The following MEGF11 variants were observed in gnomAD, a reference collection of about 807,000 sequenced individuals.
MEGF11 encodes multiple epidermal growth factor-like domains protein 11.
In MEGF11, 126 loss-of-function variants were observed where a neutral mutation model predicts 146.6. The observed-to-expected ratio is 0.86, with a 90% CI of 0.74 to 1.00. The LOEUF (loss-of-function observed/expected upper bound fraction) is 1.00. MEGF11 is among the 50% of genes least tolerant of loss of function. The probability of loss-of-function intolerance (pLI) is 0.00; values close to 1 mark genes in which losing one functional copy is unlikely to be tolerated. For synonymous variants in MEGF11, 532 were observed against 583.4 expected (o/e 0.91, Z 1.27); for missense variants, 1,509 against 1,521.2 (o/e 0.99, Z 0.13).
chr15:65,953,239 C>T (rs981136212), intron 10 of MEGF11, among the ~76,000 whole-genome samples: 1 of 152,200 alleles, frequency 6.6e-6, no homozygotes, highest in African/African-American at 2.4e-5. Context: ...TATAATGTTC[C>T]TAATTCTCAT....
chr15:65,982,506 G>C lies in MEGF11; in HGVS notation c.395-18C>G. Reference sequence around the variant, plus strand: ...GTCGCAGCCTGCAAGAGACGGGACAGTCAGGGATCAGGAGCCCCGAAGGCT... The same window carrying C: ...GTCGCAGCCTGCAAGAGACGGGACACTCAGGGATCAGGAGCCCCGAAGGCT... On this transcript the variant is annotated intron_variant, in intron 5 of 25. Coordinates refer to ENST00000395614, the MANE Select transcript of MEGF11 (RefSeq NM_001385028.1). The surrounding 1 kb of genome is among the most constrained non-coding windows in gnomAD (Gnocchi z 5.6). 1.4e-6 allele frequency: 2 copies of C among 1,463,520 alleles called. No individual in the cohort carries two copies. Among genetic ancestry groups the C allele is most frequent in the Middle Eastern group, 2.0e-4 (1 of 4,938 alleles). The allele number at this position is 1,463,520 out of a possible 1,614,324, so 90.7% of individuals were successfully genotyped here. A position where few individuals can be genotyped will look rare whatever the true frequency, so the allele number is the denominator to read the frequency against.
At chr15:66,031,171 A>G (rs1465700528) in intron 5 of MEGF11, among the ~76,000 whole-genome samples, 1 of 152,164 alleles carries the variant, frequency 6.6e-6, no homozygotes, top group African/African-American at 2.4e-5. Flanking sequence ...TCTGTCTTCT[A>G]CCCAAGTAAA....
chr15:65,992,220 A>G (rs2082065043), intron 5 of MEGF11, among the ~76,000 whole-genome samples: 1 of 152,170 alleles, frequency 6.6e-6, no homozygotes, highest in Non-Finnish European at 1.5e-5. Context: ...GTCCATTTCA[A>G]CCAGGAGTAT....
chr15:66,119,239 AT>A, intron 3 of MEGF11, 53 bp from the exon 4 acceptor site: 1 of 1,221,156 alleles, frequency 8.2e-7, no homozygotes, highest in Non-Finnish European at 1.2e-6. Flanking sequence ...AATCACTCCC[AT>A]TTAGAATGAT....
intron 1 of MEGF11, among the ~76,000 whole-genome samples, chr15:66,237,145 G>C (rs923301115): frequency 1.3e-5 from 2 of 152,148 alleles, no homozygotes; most frequent in Non-Finnish European, 2.9e-5. Context: ...CAGGGACCAC[G>C]TTATCTTCAT....
At chr15:65,922,231 C>T in intron 15 of MEGF11, 107 bp downstream of exon 15, 1 of 1,390,036 alleles carries the variant, frequency 7.2e-7, no homozygotes, top group Non-Finnish European at 9.8e-7. Flanking sequence ...AGGGAAGGAG[C>T]TACCTCCATA....
At chr15:66,202,789 C>T (rs906472587) in intron 1 of MEGF11, among the ~76,000 whole-genome samples, 1 of 152,252 alleles carries the variant, frequency 6.6e-6, no homozygotes, top group Non-Finnish European at 1.5e-5. Flanking sequence ...CTGGCGCCCA[C>T]AGGCAGGTAA....
chr15:66,124,115 G>A lies in MEGF11; in HGVS notation c.99-115C>T, dbSNP rs2088205620. On this transcript the variant is annotated intron_variant, in intron 2 of 25. Transcript: ENST00000395614. ...GCCAAGCTCCACAGCCAAGTGTCCG[G>A]AGGCTCTGACCTCCCCCCTCCCAAC... The A allele has an allele frequency of 1.3e-5, 11 of 815,728 alleles. No individual in the cohort carries two copies. In the South Asian group the frequency reaches 1.6e-4, roughly 12 times the overall value. The allele number at this position is 815,728 out of a possible 1,614,324, so 50.5% of individuals were successfully genotyped here.
rs771123662 is a variant in MEGF11 at position 66,106,377 on chromosome 15, G to A, written c.302-11883C>T. Among the ~76,000 whole-genome samples the A allele has an allele frequency of 1.9e-4, 29 of 152,146 alleles. 1 individual carries two copies. The highest frequency in any genetic ancestry group is 3.5e-4 in the Non-Finnish European group (24 of 68,010). ...ACGGGTGCACACATGTGTAGGGGGA[G>A]CATTTTACACACAGCAAAACCCAGC... is the stretch of plus-strand genomic sequence containing the variant. On this transcript the variant is annotated intron_variant, in intron 4 of 25. Coordinates refer to ENST00000395614, the MANE Select transcript of MEGF11 (RefSeq NM_001385028.1).
intron 1 of MEGF11, among the ~76,000 whole-genome samples, chr15:66,202,323 CCT>C (rs2091184145): frequency 6.6e-6 from 1 of 152,206 alleles, no homozygotes; most frequent in South Asian, 2.1e-4. Flanking sequence ...CATTTGAACC[CCT>C]GTGTTTTCAC....
At position 65,982,100 on chromosome 15, in the gene MEGF11, G is replaced by A; in HGVS notation, c.641+142C>T. The A allele has an allele frequency of 3.7e-6, 4 of 1,069,582 alleles. No individual in the cohort carries two copies. In the South Asian group the frequency reaches 6.7e-5, roughly 18 times the overall value. The allele number at this position is 1,069,582 out of a possible 1,614,324, so 66.3% of individuals were successfully genotyped here. A position where few individuals can be genotyped will look rare whatever the true frequency, so the allele number is the denominator to read the frequency against. On this transcript the variant is annotated intron_variant, in intron 6 of 25. Transcript: ENST00000395614. This position sits in a 1 kb window ranked among gnomAD's most constrained non-coding sequence, Gnocchi z 5.6. ...ACCCAGCCCACCCACAAGGAGCCCAGGGCTGGGCGTGCAGCTGCGGTGAGG... is the reference window on the plus strand; with the variant it reads ...ACCCAGCCCACCCACAAGGAGCCCAAGGCTGGGCGTGCAGCTGCGGTGAGG...
intron 5 of MEGF11, among the ~76,000 whole-genome samples, chr15:66,020,458 C>T (rs2083072284): frequency 6.6e-6 from 1 of 152,232 alleles, no homozygotes; most frequent in Non-Finnish European, 1.5e-5. Context: ...CACCTCTGTT[C>T]TTTCCAGTTA....
chr15:66,000,229 T>C (rs1388518139), intron 5 of MEGF11, among the ~76,000 whole-genome samples: 1 of 152,122 alleles, frequency 6.6e-6, no homozygotes, highest in African/African-American at 2.4e-5. Context: ...AGGTGAGCAC[T>C]GAGGGGTCTA....
At chr15:65,916,548 CTG>C (rs2079003770) in intron 17 of MEGF11, 1 of 659,320 alleles carries the variant, frequency 1.5e-6, no homozygotes. Context: ...CCTCCCCACT[CTG>C]GGCCCCACTG....
At chr15:65,934,117 C>T (rs2079679929) in intron 10 of MEGF11, among the ~76,000 whole-genome samples, 1 of 152,162 alleles carries the variant, frequency 6.6e-6, no homozygotes, top group East Asian at 1.9e-4. Context: ...ATGACCACTC[C>T]CTGAGGGCCA....
chr15:66,073,149 C>T (rs1387501843), intron 5 of MEGF11, among the ~76,000 whole-genome samples: 2 of 152,220 alleles, frequency 1.3e-5, no homozygotes, highest in African/African-American at 4.8e-5. Context: ...TGCACCCCCA[C>T]CTCCGCCTCG....
At chr15:66,223,000 A>G (rs1355545003) in intron 1 of MEGF11, among the ~76,000 whole-genome samples, 2 of 152,242 alleles carry the variant, frequency 1.3e-5, no homozygotes, top group Non-Finnish European at 2.9e-5. Context: ...TGTACCCAAC[A>G]TAAAAGAAAA....
intron 10 of MEGF11, among the ~76,000 whole-genome samples, chr15:65,949,460 G>C (rs1382923671): frequency 2.6e-5 from 4 of 152,230 alleles, no homozygotes; most frequent in African/African-American, 9.7e-5. Flanking sequence ...ATGCAGGGTT[G>C]AATAATGGCA....
At chr15:66,249,637 C>T (rs1395190040) in intron 1 of MEGF11, among the ~76,000 whole-genome samples, 8 of 152,196 alleles carry the variant, frequency 5.3e-5, no homozygotes, top group Non-Finnish European at 1.2e-4. Context: ...TCACAGCCTT[C>T]GTTCCAGGCT....
Sources: allele counts gnomAD v4.1 joint callset (sites outside exome capture counted in the v4.1 genomes callset), GRCh38; gene constraint gnomAD v4.1.1; non-coding constraint Gnocchi (gnomAD v3.1); transcripts MANE v1.5; gene names NCBI Gene and HGNC (gene_info 2026-07-23, HGNC 2026-07-21).